The following DLC1 variants were observed in gnomAD, a reference collection of about 807,000 sequenced individuals.
The protein encoded by DLC1 is rho GTPase-activating protein 7.
DLC1 carries 54 observed loss-of-function variants against 140.3 expected under a neutral mutation model. That is an observed-to-expected ratio of 0.38 (90% CI 0.31 to 0.48). The LOEUF (loss-of-function observed/expected upper bound fraction) is 0.48, where lower values mean the gene tolerates loss of function less well. Ranked by LOEUF, DLC1 falls within the 20% of genes least tolerant of loss-of-function variation. The probability of loss-of-function intolerance (pLI) is 0.96; values close to 1 mark genes in which losing one functional copy is unlikely to be tolerated. For missense variants in DLC1, 2,536 were observed against 1,907.0 expected, an observed-to-expected ratio of 1.33 and a Z score of -6.14; for synonymous variants, 986 against 728.1, an observed-to-expected ratio of 1.35 and a Z score of -5.70.
intron 7 of DLC1, among the ~76,000 whole-genome samples, chr8:13,103,845 A>C (rs1482161588): frequency 6.8e-6 from 1 of 147,672 alleles, no homozygotes; most frequent in Non-Finnish European, 1.5e-5. Flanking sequence ...ATCTCAAAAA[A>C]AAAAAAAAAA....
intron 6 of DLC1, 51 bp from the exon 7 acceptor site, chr8:13,110,874 G>T (rs1219011266): frequency 6.5e-7 from 1 of 1,540,142 alleles, no homozygotes; most frequent in East Asian, 2.2e-5. Flanking sequence ...AACCCAATTT[G>T]CCAAATAGCC....
chr8:13,209,622 G>A (rs1017238492), intron 5 of DLC1, among the ~76,000 whole-genome samples: 2 of 152,124 alleles, frequency 1.3e-5, no homozygotes, highest in Non-Finnish European at 2.9e-5. Flanking sequence ...TTCGGGTCTT[G>A]GGGGTGGATT....
chr8:13,086,305 C>T lies in DLC1; in HGVS notation c.4451G>A (p.Cys1484Tyr), dbSNP rs779835941. The T allele has an allele frequency of 5.0e-6, 8 of 1,614,104 alleles. No individual in the cohort carries two copies. The highest frequency in any genetic ancestry group is 1.7e-5 in the Admixed American group (1 of 60,006). The change falls in exon 17 of 18, where the codon TGC becomes TAC. Residue 1484 changes from cysteine to tyrosine, a missense_variant. Transcript: ENST00000276297. ...GPGKSKLTYM[C>Y]RVDLRGHMPE... is the part of the protein sequence containing the mutation. ...CAGAACATACCTTAAGTCAACTCTGCACATGTAGGTGAGTTTGGATTTTCC... is the reference window on the plus strand; with the variant it reads ...CAGAACATACCTTAAGTCAACTCTGTACATGTAGGTGAGTTTGGATTTTCC...
chr8:13,181,635 C>T (rs1563142988), intron 5 of DLC1, among the ~76,000 whole-genome samples: 1 of 152,034 alleles, frequency 6.6e-6, no homozygotes, highest in Non-Finnish European at 1.5e-5. Context: ...TGGTTTACAG[C>T]TTCATCCATG....
chr8:13,181,084 C>T (rs934592402), intron 5 of DLC1, among the ~76,000 whole-genome samples: 1 of 151,972 alleles, frequency 6.6e-6, no homozygotes, highest in African/African-American at 2.4e-5. Context: ...ACCTTTCTGG[C>T]CTTTTCTCCA....
intron 5 of DLC1, among the ~76,000 whole-genome samples, chr8:13,161,483 G>A (rs1197132420): frequency 6.6e-6 from 1 of 152,128 alleles, no homozygotes; most frequent in East Asian, 1.9e-4. Context: ...TGGGACTACA[G>A]GCACGCACCA....
chr8:13,102,312 C>T (rs1454248952), intron 8 of DLC1, among the ~76,000 whole-genome samples: 1 of 152,186 alleles, frequency 6.6e-6, no homozygotes, highest in Non-Finnish European at 1.5e-5. Flanking sequence ...CTGCCTTCTC[C>T]TCTTCCTCTT....
chr8:13,450,700 A>C (rs1159302066), intron 2 of DLC1, among the ~76,000 whole-genome samples: 1 of 152,150 alleles, frequency 6.6e-6, no homozygotes, highest in African/African-American at 2.4e-5. Flanking sequence ...TTGCAAAATT[A>C]ACAGCCATCA....
At position 13,369,693 on chromosome 8, in the gene DLC1, G is replaced by A. The variant is rs114663495; in HGVS notation, c.1314+23860C>T. Among the ~76,000 whole-genome samples the A allele has an allele frequency of 4.6e-3, 701 of 152,130 alleles. 3 individuals are homozygous for A. Among genetic ancestry groups the A allele is most frequent in the African/African-American group, 0.016 (663 of 41,506 alleles). On this transcript the variant is annotated intron_variant, in intron 4 of 17. Coordinates refer to ENST00000276297, the MANE Select transcript of DLC1 (RefSeq NM_182643.3). ...AACAATTTTACCAGCACTGCTGCTA[G>A]CTACTTCCTTGGTCCAGACACCATC...
In DLC1 at chr8:13,450,109, C is replaced by G. The variant is rs555407772; in HGVS notation, c.1024-48490G>C. ...ATAAATCAAATTAAGTAAAATAAAT[C>G]ATTATTTAGTAAAATAAATTTATTG... On this transcript the variant is annotated intron_variant, in intron 2 of 17. Coordinates refer to ENST00000276297, the MANE Select transcript of DLC1 (RefSeq NM_182643.3). Among the ~76,000 whole-genome samples, 34 of 151,858 alleles carry G rather than the reference C, an allele frequency of 2.2e-4. 1 individual carries two copies. Among genetic ancestry groups the G allele is most frequent in the African/African-American group, 8.2e-4 (34 of 41,398 alleles).
At position 13,588,842 on chromosome 8, in the gene DLC1, T is replaced by A. The variant is rs117678284; in HGVS notation, c.-126+15695A>T. 5.3e-5 allele frequency among the ~76,000 whole-genome samples: 8 copies of A among 152,092 alleles called. No individual in the cohort carries two copies. In the East Asian group the frequency reaches 1.5e-3, roughly 29 times the overall value. On this transcript the variant is annotated intron_variant, in intron 1 of 1. Transcript: ENST00000631382. ...CATGGCTACTCTTCTGCTCTATGTT[T>A]ATGGGAGTTCTTTTGTTTTGTAACA...
Position 13,088,606 on chromosome 8 carries a change from G to A in DLC1, c.4173C>T (p.Leu1391=), listed in dbSNP as rs755336964. 3 of 1,614,170 alleles carry A rather than the reference G, an allele frequency of 1.9e-6. No homozygotes were observed. Among genetic ancestry groups the A allele is most frequent in the East Asian group, 4.5e-5 (2 of 44,876 alleles). The change falls in exon 16 of 18, where the codon CTC becomes CTT. Residue 1391 remains leucine, a synonymous_variant. Coordinates refer to ENST00000276297, the MANE Select transcript of DLC1 (RefSeq NM_182643.3). ...TTGAATCCAACAGGTCTACATCCCA[G>A]AGGTGCTGTTCTTTAAGTAGGCGCT... The part of the protein sequence containing the change: ...ILKRLLKEQH[L]WDVDLLDSKV...
chr8:13,435,180 A>G (rs541109568), intron 2 of DLC1, among the ~76,000 whole-genome samples: 6 of 152,280 alleles, frequency 3.9e-5, no homozygotes, highest in East Asian at 1.9e-4. Flanking sequence ...TTTGATTCCA[A>G]TCCTCATGGA....
At chr8:13,255,553 A>G (rs1830186749) in intron 5 of DLC1, among the ~76,000 whole-genome samples, 1 of 152,232 alleles carries the variant, frequency 6.6e-6, no homozygotes, top group South Asian at 2.1e-4. Context: ...TAGTAAATGA[A>G]CAGATGTGAG....
At chr8:13,157,555 A>G (rs1824344751) in intron 5 of DLC1, among the ~76,000 whole-genome samples, 1 of 152,212 alleles carries the variant, frequency 6.6e-6, no homozygotes. Context: ...TGGCTCCCAA[A>G]TCATAGGCTA....
chr8:13,431,077 C>A (rs1239569183), intron 2 of DLC1, among the ~76,000 whole-genome samples: 2 of 152,128 alleles, frequency 1.3e-5, no homozygotes, highest in Non-Finnish European at 2.9e-5. Flanking sequence ...AGTTTGAGCT[C>A]TTTAGGTTGT....
At chr8:13,403,143 C>T (rs187316441) in intron 2 of DLC1, among the ~76,000 whole-genome samples, 2 of 152,304 alleles carry the variant, frequency 1.3e-5, no homozygotes, top group Admixed American at 1.3e-4. Flanking sequence ...CTAATTCCTT[C>T]AGAATACTAT....
At chr8:13,120,999 C>G (rs1195306508) in intron 5 of DLC1, among the ~76,000 whole-genome samples, 1 of 152,250 alleles carries the variant, frequency 6.6e-6, no homozygotes, top group Non-Finnish European at 1.5e-5. Context: ...ACCATTCGCT[C>G]TAGCTTCACA....
intron 5 of DLC1, among the ~76,000 whole-genome samples, chr8:13,300,469 CAA>C (rs1434399161): frequency 6.6e-6 from 1 of 152,172 alleles, no homozygotes; most frequent in African/African-American, 2.4e-5. Flanking sequence ...AACTTAAAAA[CAA>C]ACTCTCCAAC....
Sources: allele counts gnomAD v4.1 joint callset (sites outside exome capture counted in the v4.1 genomes callset), GRCh38; gene constraint gnomAD v4.1.1; transcripts MANE v1.5; gene names NCBI Gene and HGNC (gene_info 2026-07-23, HGNC 2026-07-21).